ESR1: variants seen among roughly 807,000 people sequenced by gnomAD.
ESR1 encodes the protein estrogen receptor 1.
Under a neutral mutation model 52.7 loss-of-function variants are expected in ESR1, and 12 were observed. The observed-to-expected ratio is 0.23, with a 90% confidence interval of 0.15 to 0.37. The LOEUF (loss-of-function observed/expected upper bound fraction) is 0.37, where lower values mean the gene tolerates loss of function less well. Among genes scored for constraint, ESR1 ranks in the 10% least tolerant of loss-of-function variants. The pLI, the probability that ESR1 is intolerant of heterozygous loss-of-function variation, is 1.00. For synonymous variants in ESR1, 305 were observed against 316.8 expected, an observed-to-expected ratio of 0.96 and a Z score of 0.39; for missense variants, 584 against 779.7, an observed-to-expected ratio of 0.75 and a Z score of 2.99.
chr6:151,842,359 A>G (rs916757540), intron 1 of ESR1, among the ~76,000 whole-genome samples: 2 of 152,192 alleles, frequency 1.3e-5, no homozygotes, highest in Non-Finnish European at 2.9e-5. Context: ...TATAGGTAAC[A>G]TATTCTGGTG....
At chr6:151,743,612 G>A (rs1783260844) in intron 2 of ESR1, among the ~76,000 whole-genome samples, 1 of 152,100 alleles carries the variant, frequency 6.6e-6, no homozygotes. Context: ...CTTGGTCTCT[G>A]ATGTTACAGA....
At chr6:151,770,841 C>T (rs1785454144) in intron 2 of ESR1, among the ~76,000 whole-genome samples, 1 of 151,394 alleles carries the variant, frequency 6.6e-6, no homozygotes. Context: ...TCACATTAGA[C>T]CTGGAGATAA....
intron 2 of ESR1, among the ~76,000 whole-genome samples, chr6:151,712,301 A>G (rs1336357896): frequency 6.6e-6 from 1 of 151,734 alleles, no homozygotes; most frequent in Non-Finnish European, 1.5e-5. Flanking sequence ...TTCTTTTAGC[A>G]TAGGATTTTC....
At chr6:152,095,688 C>T (rs991271641) in intron 7 of ESR1, among the ~76,000 whole-genome samples, 1 of 152,142 alleles carries the variant, frequency 6.6e-6, no homozygotes, top group East Asian at 1.9e-4. Flanking sequence ...AATAATCTAA[C>T]CTATCATAGC....
intron 1 of ESR1, among the ~76,000 whole-genome samples, chr6:151,835,595 A>C (rs758617999): frequency 1.2e-4 from 18 of 152,234 alleles, no homozygotes; most frequent in Non-Finnish European, 2.6e-4. Context: ...GATAAGTCGT[A>C]TAAATTGTCT....
intron 6 of ESR1, among the ~76,000 whole-genome samples, chr6:152,082,011 A>G (rs1261907413): frequency 6.6e-6 from 1 of 152,232 alleles, no homozygotes; most frequent in Non-Finnish European, 1.5e-5. Context: ...AGATGGATTC[A>G]CAGTTGAATT....
intron 5 of ESR1, among the ~76,000 whole-genome samples, chr6:152,017,067 C>G (rs976094107): frequency 2.6e-5 from 4 of 152,120 alleles, no homozygotes; most frequent in Non-Finnish European, 4.4e-5. Flanking sequence ...CATGAGGATG[C>G]TAGAACTTAC....
chr6:152,091,353 A>C (rs1288435950), intron 6 of ESR1, among the ~76,000 whole-genome samples: 1 of 152,230 alleles, frequency 6.6e-6, no homozygotes, highest in African/African-American at 2.4e-5. Context: ...ACAACTAGGA[A>C]GCATCTGCTG....
chr6:151,823,698 A>T (rs1780981948), intron 1 of ESR1, among the ~76,000 whole-genome samples: 1 of 148,342 alleles, frequency 6.7e-6, no homozygotes, highest in Non-Finnish European at 1.5e-5. Context: ...TTCAATTCCC[A>T]CCTATGAGTG....
At chr6:151,683,715 T>G (rs1778541555) in intron 1 of ESR1, among the ~76,000 whole-genome samples, 2 of 151,484 alleles carry the variant, frequency 1.3e-5, no homozygotes, top group Non-Finnish European at 2.9e-5. Context: ...CTTTTTTTTT[T>G]TGAGATAGAG....
intron 5 of ESR1, among the ~76,000 whole-genome samples, chr6:152,025,661 A>AT (rs973752871): frequency 2.6e-5 from 4 of 151,600 alleles, no homozygotes; most frequent in East Asian, 1.9e-4. Context: ...TATTTTGTTG[A>AT]TTTTTTTCCT....
At chr6:151,979,329 C>T (rs183685410) in intron 4 of ESR1, among the ~76,000 whole-genome samples, 198 of 152,150 alleles carry the variant, frequency 1.3e-3, no homozygotes, top group African/African-American at 4.4e-3. Context: ...AGGTAGAGAA[C>T]AAGGTTACTT....
chr6:152,011,390 A>G (rs1411044456), intron 4 of ESR1, among the ~76,000 whole-genome samples: 1 of 152,206 alleles, frequency 6.6e-6, no homozygotes. Flanking sequence ...ATAACACTTT[A>G]TAGAAAGCTA....
chr6:151,909,789 A>G (rs1274523318), intron 3 of ESR1, among the ~76,000 whole-genome samples: 1 of 152,142 alleles, frequency 6.6e-6, no homozygotes, highest in Non-Finnish European at 1.5e-5. Flanking sequence ...TGAACCACTC[A>G]GCTGTCTGCC....
In ESR1 at chr6:151,733,662, T is replaced by C. The variant is rs543280450; in HGVS notation, c.-71+31657T>C. Among the ~76,000 whole-genome samples, 340 of 152,322 alleles carry C rather than the reference T, an allele frequency of 2.2e-3. 1 individual carries two copies. Among genetic ancestry groups the C allele is most frequent in the South Asian group, 3.5e-3 (17 of 4,824 alleles). On this transcript the variant is annotated intron_variant, in intron 2 of 2. Transcript: ENST00000404742. ...GTGGTAAAATGGGAATTTGCGACCC[T>C]GCCATTTGGTTCCAGAATCCTTCCT...
chr6:152,088,631 C>T (rs1389874818), intron 6 of ESR1, among the ~76,000 whole-genome samples: 2 of 152,248 alleles, frequency 1.3e-5, no homozygotes, highest in South Asian at 2.1e-4. Flanking sequence ...GAGAGACCTG[C>T]GCTAGCACAC....
At chr6:152,049,209 A>G (rs1315143233) in intron 5 of ESR1, among the ~76,000 whole-genome samples, 1 of 152,244 alleles carries the variant, frequency 6.6e-6, no homozygotes, top group Non-Finnish European at 1.5e-5. Flanking sequence ...CAAACCCAGA[A>G]GTGTGTTTTA....
chr6:151,868,540 CTTAT>C (rs1272712527), intron 2 of ESR1, among the ~76,000 whole-genome samples: 1 of 151,238 alleles, frequency 6.6e-6, no homozygotes, highest in African/African-American at 2.4e-5. Context: ...TTAGCTCCCA[CTTAT>C]AAGTGAGAAC....
chr6:151,957,427 G>T (rs1343076288), intron 4 of ESR1, among the ~76,000 whole-genome samples: 1 of 152,130 alleles, frequency 6.6e-6, no homozygotes, highest in African/African-American at 2.4e-5. Context: ...TTCAGCTTGT[G>T]TATTTCTTTT....
Sources: allele counts gnomAD v4.1 joint callset (sites outside exome capture counted in the v4.1 genomes callset), GRCh38; gene constraint gnomAD v4.1.1; transcripts MANE v1.5; gene names NCBI Gene and HGNC (gene_info 2026-07-23, HGNC 2026-07-21).